The following CUX2 variants were observed in gnomAD, a reference collection of about 807,000 sequenced individuals.
The protein encoded by CUX2 is cut like homeobox 2, also known as homeobox protein cut-like 2.
Under a neutral mutation model 144.8 loss-of-function variants are expected in CUX2, and 40 were observed. That is an observed-to-expected ratio of 0.28 (90% CI 0.21 to 0.36). The LOEUF (loss-of-function observed/expected upper bound fraction) is 0.36. Among genes scored for constraint, CUX2 ranks in the 10% least tolerant of loss-of-function variants. The pLI, the probability that CUX2 is intolerant of heterozygous loss-of-function variation, is 1.00. For synonymous variants in CUX2, 827 were observed against 875.6 expected (o/e 0.94, Z 0.98); for missense variants, 1,615 against 1,994.0 (o/e 0.81, Z 3.62).
rs970951228 is a variant in CUX2, at chr12:111,287,972, T to C, written c.302-3446T>C. Among the ~76,000 whole-genome samples the C allele has an allele frequency of 5.9e-5, 9 of 152,240 alleles. No homozygotes were observed. The highest frequency in any genetic ancestry group is 2.2e-4 in the African/African-American group (9 of 41,472). On this transcript the variant is annotated intron_variant, in intron 4 of 21. Transcript: ENST00000261726. This position sits in a 1 kb window ranked among gnomAD's most constrained non-coding sequence, Gnocchi z 4.2. ...GAGTGCAAAAACATGCAGTCTGGCC[T>C]TGCCTTGTCGAGTTTGCAGTCCAGT... is the stretch of plus-strand genomic sequence containing the variant.
chr12:111,122,470 G>A (rs1359167093), intron 1 of CUX2, among the ~76,000 whole-genome samples: 1 of 152,180 alleles, frequency 6.6e-6, no homozygotes, highest in East Asian at 1.9e-4. Flanking sequence ...GGGGAAGGAT[G>A]TTTCATCAAA....
intron 3 of CUX2, among the ~76,000 whole-genome samples, chr12:111,226,778 C>T (rs1004868374): frequency 2.6e-5 from 4 of 152,190 alleles, no homozygotes; most frequent in African/African-American, 7.2e-5. Context: ...GCGTCTGGGC[C>T]GGGCTGGGAA....
chr12:111,280,009 C>T (rs567388882), intron 4 of CUX2, among the ~76,000 whole-genome samples: 11 of 150,040 alleles, frequency 7.3e-5, no homozygotes, highest in Admixed American at 1.3e-4. Flanking sequence ...AAGGACCAGG[C>T]GCAGTGGCTC....
At chr12:111,213,900 G>C (rs1480348326) in intron 1 of CUX2, among the ~76,000 whole-genome samples, 1 of 151,802 alleles carries the variant, frequency 6.6e-6, no homozygotes, top group East Asian at 1.9e-4. Context: ...GGTGGGGCAG[G>C]GGGTGGGGGG....
Position 111,131,287 on chromosome 12 carries a change from T to C in CUX2, c.64-82913T>C, listed in dbSNP as rs180699664. Among the ~76,000 whole-genome samples, 54 of 152,276 alleles carry C rather than the reference T, an allele frequency of 3.5e-4. No individual in the cohort carries two copies. The East Asian group carries it at 8.1e-3, about 23-fold the overall frequency. On this transcript the variant is annotated intron_variant, in intron 1 of 21. Coordinates refer to ENST00000261726, the MANE Select transcript of CUX2 (RefSeq NM_015267.4). ...TGAGACTTATTCACTATCACGAGAA[T>C]AGCATGGGAAAGACCAGCCCCTGTG...
At chr12:111,296,195 C>T (rs1157762004) in intron 7 of CUX2, among the ~76,000 whole-genome samples, 1 of 152,078 alleles carries the variant, frequency 6.6e-6, no homozygotes, top group Non-Finnish European at 1.5e-5. Flanking sequence ...CCAACCCCGG[C>T]CTGGGTCCCC....
chr12:111,229,538 G>GCCTGTCTCCT (rs2136242838), intron 3 of CUX2, among the ~76,000 whole-genome samples: 1 of 152,252 alleles, frequency 6.6e-6, no homozygotes, highest in Admixed American at 6.5e-5. Flanking sequence ...CCATAAAATG[G>GCCTGTCTCCT]GTTCTTGTAA....
Position 111,092,920 on chromosome 12 carries a change from T to C in CUX2, c.63+58680T>C, listed in dbSNP as rs1474324276. On this transcript the variant is annotated intron_variant, in intron 1 of 21. Coordinates refer to ENST00000261726, the MANE Select transcript of CUX2 (RefSeq NM_015267.4). The stretch of plus-strand genomic sequence containing the variant: ...GCCTCTGCCTCCCAGGCTCAAATGA[T>C]CCTCCCCACCTCATCCTCCCGAGTA... Among the ~76,000 whole-genome samples, 4 of 148,444 alleles carry C rather than the reference T, an allele frequency of 2.7e-5. No homozygotes were observed. The East Asian group carries it at 8.3e-4, about 31-fold the overall frequency.
At chr12:111,214,142 G>GA (rs1280117464) in intron 1 of CUX2, 58 bp from the exon 2 acceptor site, 12 of 1,147,532 alleles carry the variant, frequency 1.0e-5, no homozygotes, top group South Asian at 6.3e-5. Flanking sequence ...AGGAAAAAAA[G>GA]AAGAAAAATC....
At chr12:111,285,135 G>A (rs1265567) in intron 4 of CUX2, among the ~76,000 whole-genome samples, 152,164 of 152,348 alleles carry the variant, frequency 1, 75,990 homozygotes, top group Middle Eastern at 1. Context: ...AAATGAACCT[G>A]TATCTTAGGT....
intron 1 of CUX2, among the ~76,000 whole-genome samples, chr12:111,185,958 T>C (rs931096129): frequency 3.3e-5 from 5 of 151,618 alleles, no homozygotes; most frequent in African/African-American, 9.7e-5. Context: ...TCTGTGCCTG[T>C]CTCTCTCTCC....
At chr12:111,052,010 A>G (rs1014176895) in intron 1 of CUX2, among the ~76,000 whole-genome samples, 3 of 152,038 alleles carry the variant, frequency 2.0e-5, no homozygotes, top group African/African-American at 7.2e-5. Context: ...TTTAATGGAC[A>G]CATTATAATT....
At position 111,349,426 on chromosome 12, in the gene CUX2, G is replaced by A. The variant is rs560190670; in HGVS notation, c.*1101G>A. ...TGACCACTGAAGCTTAGTAACCAGC[G>A]CCAAAAAGTAGATTCATCAAACTAG... On this transcript the variant is annotated 3_prime_UTR_variant, in exon 22 of 22. Coordinates refer to ENST00000261726, the MANE Select transcript of CUX2 (RefSeq NM_015267.4). 7 of 152,282 alleles carry A rather than the reference G, an allele frequency of 4.6e-5. No individual in the cohort carries two copies. Among genetic ancestry groups the A allele is most frequent in the Admixed American group, 1.3e-4 (2 of 15,286 alleles). 9.4% of individuals were successfully genotyped at this position (152,282 alleles called of 1,614,324 possible). A position where few individuals can be genotyped will look rare whatever the true frequency, so the allele number is the denominator to read the frequency against.
Position 111,320,547 on chromosome 12 carries a change from C to G in CUX2, c.2538C>G (p.Pro846=). ...DEAAAGAEDE[P]PRTGELKAEG... The stretch of plus-strand genomic sequence containing the variant: ...CGGCGGCAGGGGCGGAGGACGAACC[C>G]CCCAGGACGGGCGAGCTCAAGGCTG... The change falls in exon 17 of 22, where the codon CCC becomes CCG. Residue 846 remains proline (P), a synonymous_variant. Coordinates refer to ENST00000261726, the MANE Select transcript of CUX2 (RefSeq NM_015267.4). This position sits in a 1 kb window ranked among gnomAD's most constrained non-coding sequence, Gnocchi z 8.1. The G allele has an allele frequency of 6.5e-7, 1 of 1,544,000 alleles. No homozygotes were observed. Among genetic ancestry groups the G allele is most frequent in the South Asian group, 1.2e-5 (1 of 84,786 alleles).
chr12:111,111,054 C>T (rs1397259591), intron 1 of CUX2, among the ~76,000 whole-genome samples: 1 of 152,214 alleles, frequency 6.6e-6, no homozygotes, highest in Admixed American at 6.5e-5. Context: ...GTAATCCCAG[C>T]ACTTTGGGAG....
intron 5 of CUX2, among the ~76,000 whole-genome samples, chr12:111,292,183 C>G (rs1885728560): frequency 6.6e-6 from 1 of 152,158 alleles, no homozygotes; most frequent in Admixed American, 6.5e-5. Flanking sequence ...GCAGAAACAA[C>G]TCAAGTGGCT....
At chr12:111,303,414 T>A (rs1886407742) in intron 9 of CUX2, among the ~76,000 whole-genome samples, 3 of 151,720 alleles carry the variant, frequency 2.0e-5, no homozygotes, top group Admixed American at 1.3e-4. Flanking sequence ...AGCGGGTGGA[T>A]CACCTGAGGT....
chr12:111,286,444 T>C (rs1885385768), intron 4 of CUX2, among the ~76,000 whole-genome samples: 1 of 152,136 alleles, frequency 6.6e-6, no homozygotes, highest in Non-Finnish European at 1.5e-5. Context: ...CCAATAAGAA[T>C]TCCTGGGAAG....
chr12:111,267,598 G>A (rs1884450202), intron 4 of CUX2, among the ~76,000 whole-genome samples: 1 of 152,162 alleles, frequency 6.6e-6, no homozygotes, highest in Non-Finnish European at 1.5e-5. Context: ...AAATTACCAT[G>A]GATGCCTTAA....
Sources: gnomAD v4.1 joint callset for allele counts (sites outside exome capture counted in the v4.1 genomes callset) on GRCh38, gnomAD v4.1.1 for gene constraint, Gnocchi (gnomAD v3.1) non-coding constraint, MANE v1.5 for transcripts, NCBI Gene and HGNC (gene_info 2026-07-23, HGNC 2026-07-21) for gene names.